Variants in CARD14 observed in about 807,000 individuals in gnomAD.
CARD14 encodes caspase recruitment domain family member 14, also known as caspase recruitment domain-containing protein 14.
CARD14 carries 107 observed loss-of-function variants against 111.5 expected under a neutral mutation model. That is an observed-to-expected ratio of 0.96 (90% CI 0.82 to 1.13). The LOEUF (loss-of-function observed/expected upper bound fraction) is 1.13, where lower values mean the gene tolerates loss of function less well. CARD14 is among the 50% of genes most tolerant of loss of function. The pLI is 0.00. For synonymous variants in CARD14, 617 were observed against 579.6 expected (o/e 1.06, Z -0.93); for missense variants, 1,322 against 1,362.3 (o/e 0.97, Z 0.47).
intron 20 of CARD14, chr17:80,204,817 G>A (rs1187310241): frequency 3.9e-6 from 2 of 507,362 alleles, no homozygotes; most frequent in Non-Finnish European, 6.9e-6. Context: ...GCAGTCCCTG[G>A]AGAGCCACAG....
chr17:80,179,220 AG>A lies in CARD14; in HGVS notation c.-100del, dbSNP rs1250525530. ...TAAGGAATCGCTCCCATCTGTGCCCAGGAGATTAACAAAGGCGGTGGCTGCA... is the reference window on the plus strand; with the variant it reads ...TAAGGAATCGCTCCCATCTGTGCCCAGAGATTAACAAAGGCGGTGGCTGCA... On this transcript the variant is annotated 5_prime_UTR_variant, in exon 4 of 24. Coordinates refer to ENST00000648509, the MANE Select transcript of CARD14 (RefSeq NM_001366385.1). 2.0e-5 allele frequency: 3 copies of A among 152,256 alleles called. No individual in the cohort carries two copies. The highest frequency in any genetic ancestry group is 1.3e-4 in the Admixed American group (2 of 15,290). The allele number at this position is 152,256 out of a possible 1,614,324, so 9.4% of individuals were successfully genotyped here. A position where few individuals can be genotyped will look rare whatever the true frequency, so the allele number is the denominator to read the frequency against.
Position 80,201,828 on chromosome 17 carries a change from G to A in CARD14, c.1936G>A (p.Val646Met). Residue 646 changes from valine (V) to methionine (M), a missense_variant, in exon 17 of 24, where the codon GTG becomes ATG. Physicochemically the swap from Val to Met is conservative, Grantham distance 21 (BLOSUM62 1). Coordinates refer to ENST00000648509, the MANE Select transcript of CARD14 (RefSeq NM_001366385.1). This position sits in a 1 kb window ranked among gnomAD's most constrained non-coding sequence, Gnocchi z 5.0. ...GGAGGCCGTGGGGCTTCTCAGGAGGGTGGACGGCTTCTGCTGCCTGTCTGT... is the reference window on the plus strand; with the variant it reads ...GGAGGCCGTGGGGCTTCTCAGGAGGATGGACGGCTTCTGCTGCCTGTCTGT... ...LEEAVGLLRR[V>M]DGFCCLSVKV... 1 of 1,614,072 alleles carries A rather than the reference G, an allele frequency of 6.2e-7. No individual in the cohort carries two copies.
At chr17:80,199,547 G>GTGAGACT (rs1432813162) in intron 16 of CARD14, among the ~76,000 whole-genome samples, 1 of 109,496 alleles carries the variant, frequency 9.1e-6, no homozygotes, top group Admixed American at 1.1e-4. Context: ...GGGTGACAGA[G>GTGAGACT]CAAAGCCTTG....
chr17:80,181,722 C>T lies in CARD14; in HGVS notation c.211+73C>T, dbSNP rs1287806678. Reference sequence around the variant, plus strand: ...ACATGGCTCCACTGTCTGCCTCTGTCTTCAGGGGGTCTCTTCTCGTCCTGT... The same window carrying T: ...ACATGGCTCCACTGTCTGCCTCTGTTTTCAGGGGGTCTCTTCTCGTCCTGT... On this transcript the variant is annotated intron_variant, in intron 5 of 23. Transcript: ENST00000648509. 8 of 1,343,514 alleles carry T rather than the reference C, an allele frequency of 6.0e-6. No individual in the cohort carries two copies. In the Admixed American group the frequency reaches 6.7e-5, roughly 11 times the overall value. The allele number at this position is 1,343,514 out of a possible 1,614,324, so 83.2% of individuals were successfully genotyped here. A position where few individuals can be genotyped will look rare whatever the true frequency, so the allele number is the denominator to read the frequency against.
chr17:80,182,747 G>C lies in CARD14; in HGVS notation c.306G>C (p.Leu102=). Residue 102 remains leucine, a synonymous_variant, in exon 6 of 24, where the codon CTG becomes CTC. Transcript: ENST00000648509. This position sits in a 1 kb window ranked among gnomAD's most constrained non-coding sequence, Gnocchi z 4.7. ...TCCACAACCCTGACGTCTACACCCT[G>C]GTCACCGGGCTGCAGCCTGATGTTG... The part of the protein sequence containing the change: ...LKFHNPDVYT[L]VTGLQPDVDF... The C allele has an allele frequency of 6.2e-7, 1 of 1,614,176 alleles. No homozygotes were observed. Among genetic ancestry groups the C allele is most frequent in the Non-Finnish European group, 8.5e-7 (1 of 1,180,022 alleles).
At chr17:80,170,723 G>A (rs1417188764) in intron 1 of CARD14, among the ~76,000 whole-genome samples, 5 of 151,374 alleles carry the variant, frequency 3.3e-5, no homozygotes, top group African/African-American at 9.7e-5. Context: ...TAGAATTGCT[G>A]TACAGTTAGA....
chr17:80,187,667 C>G (rs2040387909), intron 7 of CARD14: 1 of 774,782 alleles, frequency 1.3e-6, no homozygotes, highest in Non-Finnish European at 1.6e-6. Context: ...GGGGTGAGCA[C>G]CGGCACCCAC....
rs1598706887 is a variant in CARD14, at chr17:80,204,265, C to T, written c.2322C>T (p.Val774=). ...SGGPQKLVRI[V]SMDKAKASPL... Reference sequence around the variant, plus strand: ...GACCACAGAAGCTGGTCCGCATCGTCAGTATGGACAAAGCCAAGGCCAGCC... The same window carrying T: ...GACCACAGAAGCTGGTCCGCATCGTTAGTATGGACAAAGCCAAGGCCAGCC... The change falls in exon 20 of 24, where the codon GTC becomes GTT. Residue 774 remains valine, a synonymous_variant. Transcript: ENST00000648509. The T allele has an allele frequency of 1.3e-6, 2 of 1,599,320 alleles. No homozygotes were observed. The highest frequency in any genetic ancestry group is 1.7e-6 in the Non-Finnish European group (2 of 1,168,700).
In CARD14 at chr17:80,198,602, C is replaced by A; in HGVS notation, c.1851+11C>A. 1.9e-6 allele frequency: 3 copies of A among 1,611,046 alleles called. No individual in the cohort carries two copies. The South Asian group carries it at 3.3e-5, about 18-fold the overall frequency. Reference sequence around the variant, plus strand: ...ACCCAGATTGTGATGGTGAGCCGTGCGAGGCCCCTCCTGTCCCCCGGGCTC... The same window carrying A: ...ACCCAGATTGTGATGGTGAGCCGTGAGAGGCCCCTCCTGTCCCCCGGGCTC... On this transcript the variant is annotated intron_variant, in intron 16 of 23. Coordinates refer to ENST00000648509, the MANE Select transcript of CARD14 (RefSeq NM_001366385.1). This position sits in a 1 kb window ranked among gnomAD's most constrained non-coding sequence, Gnocchi z 7.5.
chr17:80,171,541 C>A (rs1015738405), intron 1 of CARD14, among the ~76,000 whole-genome samples: 1 of 152,070 alleles, frequency 6.6e-6, no homozygotes, highest in East Asian at 1.9e-4. Context: ...CTTATTTACA[C>A]TGGGACAAGT....
intron 21 of CARD14, 77 bp downstream of exon 21, chr17:80,205,282 C>A: frequency 7.6e-7 from 1 of 1,311,054 alleles, no homozygotes; most frequent in East Asian, 2.4e-5. Context: ...CTCCTTCCTC[C>A]CCTTCCTCCC....
chr17:80,204,889 C>A (rs1370789535), intron 20 of CARD14, 146 bp from the exon 21 acceptor site: 11 of 673,282 alleles, frequency 1.6e-5, no homozygotes, highest in Non-Finnish European at 2.7e-5. Flanking sequence ...GGGAGTGAGT[C>A]CTGTGACCGC....
rs778055809 is a variant in CARD14 at position 80,202,226 on chromosome 17, G to A, written c.2025G>A (p.Ser675=). 35 of 1,613,848 alleles carry A rather than the reference G, an allele frequency of 2.2e-5. 1 individual carries two copies. The South Asian group carries it at 2.6e-4, about 12-fold the overall frequency. The stretch of plus-strand genomic sequence containing the variant: ...ACCTGGAGGCCAAAGTGGCGACCTC[G>A]GGGGACTCATTCTACATCCGGGTCA... ...LQDLEAKVAT[S]GDSFYIRVNL... Residue 675 remains serine (S), a synonymous_variant, in exon 18 of 24, where the codon TCG becomes TCA. Transcript: ENST00000648509.
At position 80,191,257 on chromosome 17, in the gene CARD14, T is replaced by C; in HGVS notation, c.1090-66T>C. The C allele has an allele frequency of 1.3e-6, 2 of 1,569,328 alleles. 1 individual carries two copies. Among genetic ancestry groups the C allele is most frequent in the South Asian group, 2.3e-5 (2 of 87,278 alleles). ...TGAGCGCAGGCTAGAAACAGGGCTC[T>C]CCTTCTCTAGCTGAGGCTCCCCGGT... On this transcript the variant is annotated intron_variant, in intron 10 of 23. Transcript: ENST00000648509.
At position 80,198,369 on chromosome 17, in the gene CARD14, T is replaced by C. The variant is rs770771933; in HGVS notation, c.1659-30T>C. 5.1e-6 allele frequency: 8 copies of C among 1,578,342 alleles called. No homozygotes were observed. In the African/African-American group the frequency reaches 8.1e-5, roughly 16 times the overall value. On this transcript the variant is annotated intron_variant, in intron 15 of 23. Coordinates refer to ENST00000648509, the MANE Select transcript of CARD14 (RefSeq NM_001366385.1). The surrounding 1 kb of genome is among the most constrained non-coding windows in gnomAD (Gnocchi z 7.5). ...TTGCCGGCTCTCCTGCTCTGGGCAG[T>C]GCACAAGCCGGTCGTCTCCCGGCCT...
intron 12 of CARD14, among the ~76,000 whole-genome samples, chr17:80,193,736 C>G (rs1009745383): frequency 2.0e-5 from 3 of 152,106 alleles, no homozygotes; most frequent in Non-Finnish European, 4.4e-5. Flanking sequence ...TGGGGGAGGC[C>G]GGGATCTTCC....
intron 12 of CARD14, 53 bp downstream of exon 12, chr17:80,192,672 A>G: frequency 1.5e-6 from 2 of 1,364,830 alleles, no homozygotes; most frequent in Non-Finnish European, 2.1e-6. Context: ...GGGCCAGCCC[A>G]GGGGCCTCTC....
Position 80,195,711 on chromosome 17 carries a change from A to G in CARD14, c.1594+59A>G. The G allele has an allele frequency of 7.1e-7, 1 of 1,417,232 alleles. No homozygotes were observed. Among genetic ancestry groups the G allele is most frequent in the African/African-American group, 1.4e-5 (1 of 70,138 alleles). The allele number at this position is 1,417,232 out of a possible 1,614,324, so 87.8% of individuals were successfully genotyped here. Reference sequence around the variant, plus strand: ...TCCACCTCCCCTGGGCAGAGCAGGGAGCTGATGAGAAAGCCGGGGCCTCTC... The same window carrying G: ...TCCACCTCCCCTGGGCAGAGCAGGGGGCTGATGAGAAAGCCGGGGCCTCTC... On this transcript the variant is annotated intron_variant, in intron 14 of 23. Coordinates refer to ENST00000648509, the MANE Select transcript of CARD14 (RefSeq NM_001366385.1). The surrounding 1 kb of genome is among the most constrained non-coding windows in gnomAD (Gnocchi z 4.7).
intron 9 of CARD14, among the ~76,000 whole-genome samples, chr17:80,190,482 G>A (rs1230772250): frequency 6.6e-6 from 1 of 151,950 alleles, no homozygotes; most frequent in Non-Finnish European, 1.5e-5. Context: ...GCCTGGTGGT[G>A]TGTGCCTGTA....
Sources: gnomAD v4.1 joint callset for allele counts (sites outside exome capture counted in the v4.1 genomes callset) on GRCh38, gnomAD v4.1.1 for gene constraint, Gnocchi (gnomAD v3.1) non-coding constraint, MANE v1.5 for transcripts, NCBI Gene and HGNC (gene_info 2026-07-23, HGNC 2026-07-21) for gene names.